The following LARP1B variants were observed in gnomAD, a reference collection of about 807,000 sequenced individuals.
LARP1B encodes La ribonucleoprotein 1B, also known as la-related protein 1B.
A neutral mutation model predicts 114.2 loss-of-function variants in LARP1B; 76 were observed. The ratio of observed to expected loss-of-function variants is 0.67; its 90% CI spans 0.55 to 0.81. LARP1B has a LOEUF of 0.81. Ranked by LOEUF, LARP1B falls within the 30% of genes least tolerant of loss-of-function variation. The pLI, the probability that LARP1B is intolerant of heterozygous loss-of-function variation, is 0.00. For missense variants in LARP1B, 1,014 were observed against 1,075.8 expected (o/e 0.94, Z 0.80); for synonymous variants, 345 against 348.0 (o/e 0.99, Z 0.10).
intron 12 of LARP1B, among the ~76,000 whole-genome samples, chr4:128,171,455 G>T (rs1414672153): frequency 6.6e-6 from 1 of 152,028 alleles, no homozygotes; most frequent in African/African-American, 2.4e-5. Flanking sequence ...TGTAATAATT[G>T]TCTTATATAT....
chr4:128,063,751 C>G (rs1371846080), intron 1 of LARP1B, among the ~76,000 whole-genome samples: 1 of 151,976 alleles, frequency 6.6e-6, no homozygotes, highest in Non-Finnish European at 1.5e-5. Context: ...TGCACTCCAG[C>G]CTGGGCAACA....
At chr4:128,167,063 TAC>T (rs1194581443) in intron 12 of LARP1B, among the ~76,000 whole-genome samples, 355 of 146,928 alleles carry the variant, frequency 2.4e-3, no homozygotes, top group African/African-American at 5.9e-3. Context: ...CACACACATA[TAC>T]ACACACACAC....
intron 11 of LARP1B, among the ~76,000 whole-genome samples, chr4:128,158,608 G>T (rs866312812): frequency 5.9e-5 from 9 of 152,096 alleles, no homozygotes; most frequent in African/African-American, 2.2e-4. Flanking sequence ...GTATTGAATA[G>T]TCATCTCAAC....
At chr4:128,083,519 G>A (rs1453328981) in intron 5 of LARP1B, among the ~76,000 whole-genome samples, 2 of 150,330 alleles carry the variant, frequency 1.3e-5, no homozygotes, top group African/African-American at 2.4e-5. Context: ...CAGTAGGGGC[G>A]GCCGGGCAGA....
At position 128,188,207 on chromosome 4, in the gene LARP1B, T is replaced by C. The variant is rs185523114; in HGVS notation, c.2003+8695T>C. 9.5e-4 allele frequency among the ~76,000 whole-genome samples: 144 copies of C among 152,104 alleles called. 2 individuals carry two copies. Among genetic ancestry groups the C allele is most frequent in the African/African-American group, 3.2e-3 (133 of 41,510 alleles). On this transcript the variant is annotated intron_variant, in intron 15 of 19. Transcript: ENST00000326639. ...CTCCTGCTTCAGCCTCCTGAGTAGC[T>C]GGGATTACAGGCATGCACCACCATG...
At chr4:128,153,126 G>C (rs1349113180) in intron 11 of LARP1B, among the ~76,000 whole-genome samples, 6 of 150,006 alleles carry the variant, frequency 4.0e-5, no homozygotes, top group Admixed American at 6.7e-5. Flanking sequence ...GGGATTACAG[G>C]TGCCCGCCAG....
intron 15 of LARP1B, among the ~76,000 whole-genome samples, chr4:128,193,396 C>G (rs1752922958): frequency 6.6e-6 from 1 of 152,080 alleles, no homozygotes; most frequent in South Asian, 2.1e-4. Flanking sequence ...ATACACACAC[C>G]TATAAAGTAT....
intron 15 of LARP1B, among the ~76,000 whole-genome samples, chr4:128,184,620 G>A (rs1581394610): frequency 6.6e-6 from 1 of 151,314 alleles, no homozygotes; most frequent in South Asian, 2.1e-4. Context: ...TAGCTATTTT[G>A]TACTATACAA....
chr4:128,135,128 A>G lies in LARP1B; in HGVS notation c.1524+12940A>G, dbSNP rs556575581. The stretch of plus-strand genomic sequence containing the variant: ...AAATAAATAAATAAATAAATAAATA[A>G]ATAAATAAATAAATAAAAAGGATAA... On this transcript the variant is annotated intron_variant, in intron 11 of 19. Transcript: ENST00000326639. 1.7e-4 allele frequency among the ~76,000 whole-genome samples: 26 copies of G among 150,878 alleles called. No homozygotes were observed. The South Asian group carries it at 5.0e-3, about 29-fold the overall frequency.
rs563265529 is a variant in LARP1B at position 128,086,722 on chromosome 4, G to T, written c.359-4279G>T. 2.0e-5 allele frequency among the ~76,000 whole-genome samples: 3 copies of T among 152,248 alleles called. No homozygotes were observed. In the East Asian group the frequency reaches 5.8e-4, roughly 29 times the overall value. ...GGCTTATTTTTTTGCTTGGAATACT[G>T]CTGTGTGTATTTCACTTTCAGTTGT... is the stretch of plus-strand genomic sequence containing the variant. On this transcript the variant is annotated intron_variant, in intron 5 of 19. Transcript: ENST00000326639.
At chr4:128,079,654 C>A (rs745547960) in intron 4 of LARP1B, among the ~76,000 whole-genome samples, 12 of 152,036 alleles carry the variant, frequency 7.9e-5, no homozygotes, top group Non-Finnish European at 1.6e-4. Flanking sequence ...GCCTCGATGA[C>A]CTGGGCTCAA....
intron 17 of LARP1B, among the ~76,000 whole-genome samples, chr4:128,205,029 T>C (rs893220577): frequency 6.6e-6 from 1 of 152,210 alleles, no homozygotes; most frequent in Non-Finnish European, 1.5e-5. Flanking sequence ...CATTCTGAAC[T>C]GTGGTTCCTT....
At chr4:128,197,003 T>C (rs929328562) in intron 15 of LARP1B, among the ~76,000 whole-genome samples, 1 of 152,142 alleles carries the variant, frequency 6.6e-6, no homozygotes. Context: ...GTCAAATTTA[T>C]AGACAGAAAG....
chr4:128,096,705 A>G (rs1358030832), intron 7 of LARP1B, among the ~76,000 whole-genome samples: 3 of 151,414 alleles, frequency 2.0e-5, no homozygotes, highest in Admixed American at 2.0e-4. Flanking sequence ...GGTTCACGCC[A>G]TTCTCCTGCC....
chr4:128,206,119 C>T (rs1373209216), intron 17 of LARP1B, among the ~76,000 whole-genome samples: 5 of 151,982 alleles, frequency 3.3e-5, no homozygotes, highest in African/African-American at 1.2e-4. Context: ...GGTGAAACCC[C>T]GTCTCTACTA....
intron 3 of LARP1B, among the ~76,000 whole-genome samples, chr4:128,076,889 C>G (rs1414691229): frequency 6.6e-6 from 1 of 152,038 alleles, no homozygotes; most frequent in Non-Finnish European, 1.5e-5. Flanking sequence ...CCACGCCTGG[C>G]TAATTTTTTT....
intron 11 of LARP1B, among the ~76,000 whole-genome samples, chr4:128,159,438 T>C (rs1304465266): frequency 6.6e-6 from 1 of 152,166 alleles, no homozygotes; most frequent in Non-Finnish European, 1.5e-5. Flanking sequence ...TCTTCATCTC[T>C]ATAATTTTGT....
At chr4:128,151,012 A>G (rs536780071) in intron 11 of LARP1B, among the ~76,000 whole-genome samples, 1 of 152,242 alleles carries the variant, frequency 6.6e-6, no homozygotes, top group East Asian at 1.9e-4. Context: ...TATCAGTAAT[A>G]TGCATCTATA....
At position 128,093,198 on chromosome 4, in the gene LARP1B, G is replaced by A. The variant is rs144842977; in HGVS notation, c.668+1686G>A. Among the ~76,000 whole-genome samples the A allele has an allele frequency of 4.1e-3, 621 of 152,328 alleles. 3 individuals carry two copies. The highest frequency in any genetic ancestry group is 7.0e-3 in the South Asian group (34 of 4,830). On this transcript the variant is annotated intron_variant, in intron 7 of 19. Transcript: ENST00000326639. Reference sequence around the variant, plus strand: ...TTATTACCATTCTTTGATTAGTGGAGATGTGGCTTTGAAGGAGTCGTGCTT... The same window carrying A: ...TTATTACCATTCTTTGATTAGTGGAAATGTGGCTTTGAAGGAGTCGTGCTT...
Sources: gnomAD v4.1 joint callset for allele counts (sites outside exome capture counted in the v4.1 genomes callset) on GRCh38, gnomAD v4.1.1 for gene constraint, MANE v1.5 for transcripts, NCBI Gene and HGNC (gene_info 2026-07-23, HGNC 2026-07-21) for gene names.